Variants in SRPK2 observed in about 807,000 individuals in gnomAD.
SRPK2 encodes the protein SRSF protein kinase 2.
In SRPK2, 21 loss-of-function variants were observed where a neutral mutation model predicts 90.8. That is an observed-to-expected ratio of 0.23 (90% CI 0.16 to 0.33). The LOEUF is 0.33. SRPK2 is among the 10% of genes least tolerant of loss of function. SRPK2 has a pLI of 1.00. For missense variants in SRPK2, 620 were observed against 869.0 expected (o/e 0.71, Z 3.60); for synonymous variants, 288 against 311.1 (o/e 0.93, Z 0.78).
intron 3 of SRPK2, among the ~76,000 whole-genome samples, chr7:105,176,692 CATAT>C (rs201474950): frequency 1.4e-5 from 1 of 71,578 alleles, no homozygotes; most frequent in Admixed American, 1.5e-4. Context: ...TGTGTGTGTA[CATAT>C]ATATGTATGT....
intron 2 of SRPK2, among the ~76,000 whole-genome samples, chr7:105,293,280 A>C (rs1451414405): frequency 1.3e-5 from 2 of 151,798 alleles, no homozygotes; most frequent in African/African-American, 4.8e-5. Context: ...ATCTCAAAAA[A>C]AGAAAAAAAA....
chr7:105,218,898 TAAAAG>T (rs1797769450), intron 2 of SRPK2, among the ~76,000 whole-genome samples: 1 of 118,152 alleles, frequency 8.5e-6, no homozygotes, highest in Admixed American at 8.3e-5. Flanking sequence ...AAAGAACAAA[TAAAAG>T]AAAAAAAATC....
intron 2 of SRPK2, among the ~76,000 whole-genome samples, chr7:105,385,401 C>A (rs1350600357): frequency 1.3e-5 from 2 of 151,550 alleles, no homozygotes; most frequent in Non-Finnish European, 2.9e-5. Flanking sequence ...TGGTCTTGAT[C>A]TCCTGACCTC....
intron 2 of SRPK2, among the ~76,000 whole-genome samples, chr7:105,268,636 C>G (rs1805415797): frequency 6.6e-6 from 1 of 152,190 alleles, no homozygotes; most frequent in African/African-American, 2.4e-5. Context: ...ATCAATCACC[C>G]TTTGCAAAAG....
chr7:105,385,384 GC>G lies in SRPK2; in HGVS notation c.71+3263del, dbSNP rs145311573. Among the ~76,000 whole-genome samples, 562 of 150,634 alleles carry G rather than the reference GC, an allele frequency of 3.7e-3. 3 individuals carry two copies. Among genetic ancestry groups the G allele is most frequent in the African/African-American group, 0.013 (528 of 40,902 alleles). Reference sequence around the variant, plus strand: ...TATTTTTAGTAGAGACGGGGTGTTAGCCAGGATGGTCTTGATCTCCTGACCT... The same window carrying G: ...TATTTTTAGTAGAGACGGGGTGTTAGCAGGATGGTCTTGATCTCCTGACCT... On this transcript the variant is annotated intron_variant, in intron 2 of 15. Transcript: ENST00000393651.
At chr7:105,168,745 ATGTGTGTGTGTGTGTGTGTG>A (rs58073613) in intron 4 of SRPK2, among the ~76,000 whole-genome samples, 1 of 104,006 alleles carries the variant, frequency 9.6e-6, no homozygotes, top group Admixed American at 9.5e-5. Flanking sequence ...CACGCACCAA[ATGTGTGTGTGTGTGTGTGTG>A]TGTGTGTGTG....
At chr7:105,328,514 G>C (rs1209343486) in intron 2 of SRPK2, among the ~76,000 whole-genome samples, 1 of 123,626 alleles carries the variant, frequency 8.1e-6, no homozygotes, top group African/African-American at 3.1e-5. Context: ...AGTGAGCTGC[G>C]ATCAGGCCAC....
chr7:105,295,210 CAAA>C lies in SRPK2; in HGVS notation c.72-91428_72-91426del, dbSNP rs10609905. Among the ~76,000 whole-genome samples, 780 of 141,142 alleles carry C rather than the reference CAAA, an allele frequency of 5.5e-3. 12 individuals are homozygous for C. The East Asian group carries it at 0.063, about 11-fold the overall frequency. 92.6% of individuals were successfully genotyped at this position (141,142 alleles called of 152,430 possible). On this transcript the variant is annotated intron_variant, in intron 2 of 15. Transcript: ENST00000393651. ...TGGGTGACAGAGCGAGAACCCGTCTCAAAAAAAAAAAAAATTGAATGAAAATAT... is the reference window on the plus strand; with the variant it reads ...TGGGTGACAGAGCGAGAACCCGTCTCAAAAAAAAAAATTGAATGAAAATAT...
chr7:105,251,975 C>G (rs750184950), intron 2 of SRPK2, among the ~76,000 whole-genome samples: 65 of 152,180 alleles, frequency 4.3e-4, no homozygotes, highest in Non-Finnish European at 6.9e-4. Flanking sequence ...ACACAGAGTT[C>G]GTCTATATTA....
At chr7:105,337,083 T>C (rs1442114619) in intron 2 of SRPK2, among the ~76,000 whole-genome samples, 1 of 151,850 alleles carries the variant, frequency 6.6e-6, no homozygotes, top group Middle Eastern at 3.4e-3. Flanking sequence ...ATTACAGGCA[T>C]GAGCCACCCA....
At chr7:105,186,679 T>C (rs1180105015) in intron 3 of SRPK2, among the ~76,000 whole-genome samples, 1 of 152,180 alleles carries the variant, frequency 6.6e-6, no homozygotes, top group Non-Finnish European at 1.5e-5. Flanking sequence ...ACTCTAATCA[T>C]GAAACTGAAT....
chr7:105,313,516 G>T (rs999658437), intron 2 of SRPK2, among the ~76,000 whole-genome samples: 1 of 151,286 alleles, frequency 6.6e-6, no homozygotes, highest in African/African-American at 2.4e-5. Context: ...TTGGGAGGCC[G>T]AGGTGGGTGG....
intron 2 of SRPK2, among the ~76,000 whole-genome samples, chr7:105,333,188 C>T (rs1204983528): frequency 6.6e-6 from 1 of 152,016 alleles, no homozygotes; most frequent in Non-Finnish European, 1.5e-5. Flanking sequence ...AGTGAGACTC[C>T]ATCAAACAAA....
At chr7:105,285,259 G>A (rs867879777) in intron 2 of SRPK2, among the ~76,000 whole-genome samples, 44 of 151,814 alleles carry the variant, frequency 2.9e-4, no homozygotes, top group Middle Eastern at 3.4e-3. Flanking sequence ...GGTGATGCAC[G>A]CCTATAATCC....
At chr7:105,316,455 C>CT (rs776245426) in intron 2 of SRPK2, among the ~76,000 whole-genome samples, 19 of 152,168 alleles carry the variant, frequency 1.2e-4, no homozygotes, top group Non-Finnish European at 1.8e-4. Context: ...TAAGTAAGCA[C>CT]TTCAACAGCA....
Position 105,181,881 on chromosome 7 carries a change from T to TAAA in SRPK2, c.230-12619_230-12617dup, listed in dbSNP as rs755821029. Reference sequence around the variant, plus strand: ...TGTACCCCTGAACCTAAGATAAAAGTAAAAAAAAAAAAAAACAGAAAACAC... The same window carrying TAAA: ...TGTACCCCTGAACCTAAGATAAAAGTAAAAAAAAAAAAAAAAAACAGAAAACAC... On this transcript the variant is annotated intron_variant, in intron 3 of 15. Transcript: ENST00000393651. Among the ~76,000 whole-genome samples, 135 of 84,812 alleles carry TAAA rather than the reference T, an allele frequency of 1.6e-3. 2 individuals are homozygous for TAAA. Among genetic ancestry groups the TAAA allele is most frequent in the Admixed American group, 4.6e-3 (34 of 7,430 alleles). The allele number at this position is 84,812 out of a possible 152,430, so 55.6% of individuals were successfully genotyped here.
intron 3 of SRPK2, among the ~76,000 whole-genome samples, chr7:105,188,343 G>A (rs1041424220): frequency 6.6e-6 from 1 of 151,204 alleles, no homozygotes; most frequent in Non-Finnish European, 1.5e-5. Flanking sequence ...GAGGAGAATA[G>A]GGACTGGCTG....
intron 15 of SRPK2, among the ~76,000 whole-genome samples, chr7:105,121,647 A>G (rs1292574068): frequency 1.3e-5 from 2 of 152,216 alleles, no homozygotes; most frequent in Non-Finnish European, 2.9e-5. Flanking sequence ...TGCTCTGAGA[A>G]ACAGCTTGAA....
At chr7:105,306,962 A>T (rs1168849287) in intron 2 of SRPK2, among the ~76,000 whole-genome samples, 1 of 152,238 alleles carries the variant, frequency 6.6e-6, no homozygotes, top group Non-Finnish European at 1.5e-5. Context: ...TGAATAGAGA[A>T]TACAATCCTT....
Sources: allele counts gnomAD v4.1 joint callset (sites outside exome capture counted in the v4.1 genomes callset), GRCh38; gene constraint gnomAD v4.1.1; transcripts MANE v1.5; gene names NCBI Gene and HGNC (gene_info 2026-07-23, HGNC 2026-07-21).